SMO: variants seen among roughly 807,000 people sequenced by gnomAD.
SMO encodes the protein protein smoothened.
In SMO, 40 loss-of-function variants were observed where a neutral mutation model predicts 81.6. The ratio of observed to expected loss-of-function variants is 0.49; its 90% CI spans 0.38 to 0.64. SMO has a LOEUF of 0.64. SMO is among the 30% of genes least tolerant of loss of function. The pLI is 0.00. For synonymous variants in SMO, 434 were observed against 432.1 expected (o/e 1.00, Z -0.05); for missense variants, 916 against 1,061.1 (o/e 0.86, Z 1.90).
intron 1 of SMO, among the ~76,000 whole-genome samples, chr7:129,190,363 C>T (rs1222348597): frequency 6.6e-6 from 1 of 152,174 alleles, no homozygotes; most frequent in Non-Finnish European, 1.5e-5. Context: ...AGTATACTCT[C>T]CCCCACCTGT....
At chr7:129,203,287 G>C in intron 1 of SMO, 97 bp from the exon 2 acceptor site, 1 of 885,254 alleles carries the variant, frequency 1.1e-6, no homozygotes, top group Non-Finnish European at 1.8e-6. Context: ...CCAGTGATGG[G>C]CTGCAGTGTG....
At chr7:129,203,171 T>G (rs1321526574) in intron 1 of SMO, among the ~76,000 whole-genome samples, 2 of 152,180 alleles carry the variant, frequency 1.3e-5, no homozygotes, top group Non-Finnish European at 2.9e-5. Context: ...CTACTGGCAT[T>G]GAGTTGGCAG....
intron 1 of SMO, among the ~76,000 whole-genome samples, chr7:129,201,216 T>G (rs1584658631): frequency 6.6e-6 from 1 of 151,844 alleles, no homozygotes; most frequent in East Asian, 1.9e-4. Flanking sequence ...CCAGCTAATT[T>G]TTGTATTTTT....
rs1793877704 is a variant in SMO at position 129,211,956 on chromosome 7, C to T, written c.1937-68C>T. The T allele has an allele frequency of 9.4e-6, 14 of 1,481,644 alleles. 1 individual carries two copies. The South Asian group carries it at 1.7e-4, about 18-fold the overall frequency. 91.8% of individuals were successfully genotyped at this position (1,481,644 alleles called of 1,614,324 possible). A position where few individuals can be genotyped will look rare whatever the true frequency, so the allele number is the denominator to read the frequency against. On this transcript the variant is annotated intron_variant, in intron 11 of 11. Coordinates refer to ENST00000249373, the MANE Select transcript of SMO (RefSeq NM_005631.5). The surrounding 1 kb of genome is among the most constrained non-coding windows in gnomAD (Gnocchi z 4.6). ...CCCCAGAACTAACAGGTTAAGTGCT[C>T]CCAGGGGAGCGGGGGTGGCATGGAC...
In SMO at chr7:129,206,264, C is replaced by A. The variant is rs1793764029; in HGVS notation, c.1035C>A (p.Ala345=). The A allele has an allele frequency of 6.2e-7, 1 of 1,614,074 alleles. No individual in the cohort carries two copies. The highest frequency in any genetic ancestry group is 1.3e-5 in the African/African-American group (1 of 74,936). Residue 345 remains alanine (A), a synonymous_variant, in exon 5 of 12, where the codon GCC becomes GCA. Coordinates refer to ENST00000249373, the MANE Select transcript of SMO (RefSeq NM_005631.5). The surrounding 1 kb of genome is among the most constrained non-coding windows in gnomAD (Gnocchi z 4.4). The part of the protein sequence containing the change: ...LTYAWHTSFK[A]LGTTYQPLSG... ...ATGCCTGGCACACTTCCTTCAAAGC[C>A]CTGGGCACCACCTACCAGCCTCTCT...
rs2150648071 is a variant in SMO at position 129,205,220 on chromosome 7, C to T, written c.555C>T (p.Ile185=). ...GGTGCCAGAATGAGGTGCAGAACATCAAGTTCAACAGTTCAGGCCAGTGCG... is the reference window on the plus strand; with the variant it reads ...GGTGCCAGAATGAGGTGCAGAACATTAAGTTCAACAGTTCAGGCCAGTGCG... ...PEGCTNEVQN[I]KFNSSGQCEV... is the part of the protein sequence containing the mutation. The change falls in exon 3 of 12, where the codon ATC becomes ATT. Residue 185 remains isoleucine, a synonymous_variant. Transcript: ENST00000249373. 6.2e-7 allele frequency: 1 copy of T among 1,614,110 alleles called. No individual in the cohort carries two copies. The highest frequency in any genetic ancestry group is 1.3e-5 in the African/African-American group (1 of 75,036).
At chr7:129,196,948 C>T (rs536347458) in intron 1 of SMO, among the ~76,000 whole-genome samples, 3 of 138,272 alleles carry the variant, frequency 2.2e-5, no homozygotes, top group South Asian at 2.3e-4. Flanking sequence ...ACCTGGGAGG[C>T]GGAGCTTGCA....
chr7:129,194,805 GAC>G (rs1318550359), intron 1 of SMO, among the ~76,000 whole-genome samples: 1 of 151,650 alleles, frequency 6.6e-6, no homozygotes, highest in African/African-American at 2.4e-5. Context: ...GTTTTTTTGA[GAC>G]AGTCTCACTC....
At position 129,205,784 on chromosome 7, in the gene SMO, T is replaced by TG; in HGVS notation, c.920+2_920+3insG. On this transcript the variant is annotated splice_region_variant and intron_variant, in intron 4 of 11. Coordinates refer to ENST00000249373, the MANE Select transcript of SMO (RefSeq NM_005631.5). ...CACCATGAGGCTTGGGGAGCCCACG[T>TG]AGGTGTCTTGGGGACCCAGAGGTGA... 1 of 1,602,314 alleles carries TG rather than the reference T, an allele frequency of 6.2e-7. No individual in the cohort carries two copies.
chr7:129,205,441 G>C lies in SMO; in HGVS notation c.747+29G>C, dbSNP rs755314489. 6 of 1,593,998 alleles carry C rather than the reference G, an allele frequency of 3.8e-6. No homozygotes were observed. In the Admixed American group the frequency reaches 1.0e-4, roughly 28 times the overall value. On this transcript the variant is annotated intron_variant, in intron 3 of 11. Transcript: ENST00000249373. Reference sequence around the variant, plus strand: ...AGCCGCGGGAGGGCAGGCCCGGGGGGCCCTCAGCCTGGAACGTGGGAAGAG... The same window carrying C: ...AGCCGCGGGAGGGCAGGCCCGGGGGCCCCTCAGCCTGGAACGTGGGAAGAG...
chr7:129,188,964 A>G lies in SMO; in HGVS notation c.-188A>G, dbSNP rs1228447104. Reference sequence around the variant, plus strand: ...CAGCCCAACATGGGCCCCGGGTTCCAAAGTTTGCGAAGTTGGGCGCCGAGG... The same window carrying G: ...CAGCCCAACATGGGCCCCGGGTTCCGAAGTTTGCGAAGTTGGGCGCCGAGG... On this transcript the variant is annotated 5_prime_UTR_variant, in exon 1 of 12. Coordinates refer to ENST00000249373, the MANE Select transcript of SMO (RefSeq NM_005631.5). This position sits in a 1 kb window ranked among gnomAD's most constrained non-coding sequence, Gnocchi z 4.9. 1.5e-5 allele frequency: 6 copies of G among 395,864 alleles called. No homozygotes were observed. The highest frequency in any genetic ancestry group is 6.2e-5 in the African/African-American group (3 of 48,036). 24.5% of individuals were successfully genotyped at this position (395,864 alleles called of 1,614,324 possible).
At chr7:129,195,910 G>A (rs1164390893) in intron 1 of SMO, among the ~76,000 whole-genome samples, 1 of 151,972 alleles carries the variant, frequency 6.6e-6, no homozygotes, top group Non-Finnish European at 1.5e-5. Flanking sequence ...GACCATCCTG[G>A]CTAACACGGT....
Position 129,209,301 on chromosome 7 carries a change from T to C in SMO, c.1370T>C (p.Phe457Ser), listed in dbSNP as rs1252025906. ...CTGTCCTCCACAGGCATTTTTGGCTTCCTGGCCTTTGGCTTTGTGCTCATT... is the reference window on the plus strand; with the variant it reads ...CTGTCCTCCACAGGCATTTTTGGCTCCCTGGCCTTTGGCTTTGTGCTCATT... ...ETMLRLGIFG[F>S]LAFGFVLITF... The change falls in exon 8 of 12, where the codon TTC becomes TCC. Residue 457 changes from phenylalanine to serine, a missense_variant. Transcript: ENST00000249373. 12 of 1,613,262 alleles carry C rather than the reference T, an allele frequency of 7.4e-6. No homozygotes were observed. Among genetic ancestry groups the C allele is most frequent in the Non-Finnish European group, 1.0e-5 (12 of 1,179,306 alleles).
intron 1 of SMO, among the ~76,000 whole-genome samples, chr7:129,197,917 G>T (rs150029744): frequency 8.6e-5 from 13 of 152,002 alleles, no homozygotes; most frequent in Admixed American, 2.6e-4. Flanking sequence ...AGCCAGGCGC[G>T]GTAACACCCG....
chr7:129,203,503 C>G lies in SMO; in HGVS notation c.451C>G (p.Arg151Gly), dbSNP rs1230215072. The change falls in exon 2 of 12, where the codon CGA (arginine) becomes GGA (glycine). Residue 151 changes from arginine to glycine, a missense_variant. Transcript: ENST00000249373. ...LPSRTLCQAT[R>G]GPCAIVERER... ...CAGCCGTACCCTCTGCCAGGCCACC[C>G]GAGGCCCCTGTGCCATCGTGGAGAG... 1.9e-6 allele frequency: 3 copies of G among 1,606,010 alleles called. No individual in the cohort carries two copies. The highest frequency in any genetic ancestry group is 1.7e-6 in the Non-Finnish European group (2 of 1,177,994).
chr7:129,197,069 T>G (rs2150643258), intron 1 of SMO, among the ~76,000 whole-genome samples: 1 of 151,982 alleles, frequency 6.6e-6, no homozygotes, highest in African/African-American at 2.4e-5. Context: ...TTTATTTCAC[T>G]TTGTTGCTGA....
Position 129,211,652 on chromosome 7 carries a change from C to T in SMO, c.1818C>T (p.Asp606=), listed in dbSNP as rs1376417824. ...TTCCCACAGCGGGCTTGGCCTTTGA[C>T]CTCAATGAGCCCTCAGCTGATGTCT... ...HDGPVAGLAF[D]LNEPSADVSS... The change falls in exon 11 of 12, where the codon GAC becomes GAT. Residue 606 remains aspartate (D), a synonymous_variant. Transcript: ENST00000249373. The surrounding 1 kb of genome is among the most constrained non-coding windows in gnomAD (Gnocchi z 4.6). The T allele has an allele frequency of 2.5e-6, 4 of 1,612,994 alleles. No individual in the cohort carries two copies. The Admixed American group carries it at 5.0e-5, about 20-fold the overall frequency.
intron 8 of SMO, 109 bp downstream of exon 8, chr7:129,209,506 C>G: frequency 1.5e-6 from 1 of 679,426 alleles, no homozygotes; most frequent in Non-Finnish European, 2.7e-6. Context: ...CTGCTGCAGA[C>G]AGCAGATTCA....
At chr7:129,203,239 G>A (rs1584659788) in intron 1 of SMO, 145 bp from the exon 2 acceptor site, 1 of 643,114 alleles carries the variant, frequency 1.6e-6, no homozygotes, top group East Asian at 2.7e-5. Flanking sequence ...GTCCTGCCCA[G>A]ATGCACTGTT....
Sources: gnomAD v4.1 joint callset for allele counts (sites outside exome capture counted in the v4.1 genomes callset) on GRCh38, gnomAD v4.1.1 for gene constraint, Gnocchi (gnomAD v3.1) non-coding constraint, MANE v1.5 for transcripts, NCBI Gene and HGNC (gene_info 2026-07-23, HGNC 2026-07-21) for gene names.